The following KCNQ3 variants were observed in gnomAD, a reference collection of about 807,000 sequenced individuals.
KCNQ3 encodes potassium voltage-gated channel subfamily Q member 3, also known as potassium voltage-gated channel subfamily KQT member 3.
A neutral mutation model predicts 92.5 loss-of-function variants in KCNQ3; 30 were observed. The observed-to-expected ratio is 0.32, with a 90% CI of 0.24 to 0.44. The LOEUF is 0.44. Among genes scored for constraint, KCNQ3 ranks in the 20% least tolerant of loss-of-function variants. The pLI is 1.00. For missense variants in KCNQ3, 913 were observed against 1,140.3 expected, an observed-to-expected ratio of 0.80 and a Z score of 2.87; for synonymous variants, 450 against 468.8, an observed-to-expected ratio of 0.96 and a Z score of 0.52.
chr8:132,202,353 C>T (rs551128464), intron 1 of KCNQ3, among the ~76,000 whole-genome samples: 2 of 152,274 alleles, frequency 1.3e-5, no homozygotes, highest in South Asian at 4.1e-4. Context: ...CAAACTGTGG[C>T]TTGATCACAC....
At chr8:132,359,348 T>C (rs1313500559) in intron 1 of KCNQ3, among the ~76,000 whole-genome samples, 1 of 152,188 alleles carries the variant, frequency 6.6e-6, no homozygotes, top group Non-Finnish European at 1.5e-5. Context: ...TGTTGGTGCA[T>C]GGATTGGCAT....
At chr8:132,309,166 C>T (rs901438780) in intron 1 of KCNQ3, among the ~76,000 whole-genome samples, 2 of 152,168 alleles carry the variant, frequency 1.3e-5, no homozygotes, top group African/African-American at 2.4e-5. Flanking sequence ...GCTTCCTGCC[C>T]TTGAACATCA....
intron 1 of KCNQ3, among the ~76,000 whole-genome samples, chr8:132,232,164 A>G (rs1395324867): frequency 6.6e-6 from 1 of 152,210 alleles, no homozygotes; most frequent in African/African-American, 2.4e-5. Context: ...CTCTTGTCCA[A>G]GTTTATAGTC....
intron 1 of KCNQ3, among the ~76,000 whole-genome samples, chr8:132,272,649 G>A (rs1816186641): frequency 6.6e-6 from 1 of 152,172 alleles, no homozygotes; most frequent in Admixed American, 6.5e-5. Context: ...GAGAGCTTGT[G>A]CAGGGGAACT....
intron 1 of KCNQ3, among the ~76,000 whole-genome samples, chr8:132,313,605 A>G (rs1285901460): frequency 6.6e-6 from 1 of 152,196 alleles, no homozygotes; most frequent in African/African-American, 2.4e-5. Context: ...TAAACTGAAA[A>G]TGGAAGGTTA....
Position 132,225,577 on chromosome 8 carries a change from CCTG to C in KCNQ3, c.387-39399_387-39397del, listed in dbSNP as rs1222695309. 4.6e-5 allele frequency among the ~76,000 whole-genome samples: 7 copies of C among 152,266 alleles called. No individual in the cohort carries two copies. In the East Asian group the frequency reaches 1.4e-3, roughly 29 times the overall value. On this transcript the variant is annotated intron_variant, in intron 1 of 14. Transcript: ENST00000388996. ...AGAGGGTGACAGTGATGTGCTGCAG[CCTG>C]CTAATACCATCTTGCAAAAGCCAAT... is the stretch of plus-strand genomic sequence containing the variant.
chr8:132,302,689 T>G (rs939033041), intron 1 of KCNQ3, among the ~76,000 whole-genome samples: 27 of 152,334 alleles, frequency 1.8e-4, no homozygotes, highest in African/African-American at 6.5e-4. Context: ...TCTCTGGTCT[T>G]GAAAAGCAGT....
rs577629872 is a variant in KCNQ3 at position 132,152,476 on chromosome 8, A to G, written c.1262+10992T>C. Among the ~76,000 whole-genome samples the G allele has an allele frequency of 9.4e-4, 143 of 152,338 alleles. No individual in the cohort carries two copies. In the Middle Eastern group the frequency reaches 0.014, roughly 14 times the overall value. ...GTTGTGAGTATTCTCTACTCATGGC[A>G]ATACAATTGTTTGCATCACTGCAAT... On this transcript the variant is annotated intron_variant, in intron 9 of 14. Transcript: ENST00000388996.
intron 1 of KCNQ3, among the ~76,000 whole-genome samples, chr8:132,194,719 T>C (rs888123888): frequency 2.0e-5 from 3 of 152,232 alleles, no homozygotes; most frequent in African/African-American, 7.2e-5. Context: ...CTCTTCCTGA[T>C]TTGACTCATG....
chr8:132,316,348 A>C lies in KCNQ3; in HGVS notation c.387-130167T>G, dbSNP rs140706019. 3.8e-3 allele frequency among the ~76,000 whole-genome samples: 582 copies of C among 152,234 alleles called. 4 individuals carry two copies. Among genetic ancestry groups the C allele is most frequent in the African/African-American group, 0.012 (503 of 41,564 alleles). On this transcript the variant is annotated intron_variant, in intron 1 of 14. Transcript: ENST00000388996. ...AAATTACTCACCACCTCACAGAGTG[A>C]GGTGTTAGGAAGAATAAAGTCCCTA...
At chr8:132,207,022 C>T (rs1187076487) in intron 1 of KCNQ3, among the ~76,000 whole-genome samples, 1 of 152,188 alleles carries the variant, frequency 6.6e-6, no homozygotes, top group Non-Finnish European at 1.5e-5. Context: ...CATTCTATGA[C>T]ATCAGTGCTC....
At chr8:132,454,025 G>T (rs1385004513) in intron 1 of KCNQ3, among the ~76,000 whole-genome samples, 1 of 152,122 alleles carries the variant, frequency 6.6e-6, no homozygotes, top group Non-Finnish European at 1.5e-5. Context: ...CAGACCTCAT[G>T]CCTAACACCA....
chr8:132,480,599 T>C lies in KCNQ3; in HGVS notation c.-67A>G. 1 of 1,221,136 alleles carries C rather than the reference T, an allele frequency of 8.2e-7. No homozygotes were observed. Among genetic ancestry groups the C allele is most frequent in the African/African-American group, 1.6e-5 (1 of 62,218 alleles). The allele number at this position is 1,221,136 out of a possible 1,614,324, so 75.6% of individuals were successfully genotyped here. On this transcript the variant is annotated 5_prime_UTR_variant, in exon 1 of 15. Coordinates refer to ENST00000388996, the MANE Select transcript of KCNQ3 (RefSeq NM_004519.4). Reference sequence around the variant, plus strand: ...CTCTGGGAAGAAGGGGCGCTCGGGGTGCGTGAACGAGGCGGCGGCGGCGGC... The same window carrying C: ...CTCTGGGAAGAAGGGGCGCTCGGGGCGCGTGAACGAGGCGGCGGCGGCGGC...
intron 1 of KCNQ3, among the ~76,000 whole-genome samples, chr8:132,426,905 T>C (rs1821127898): frequency 6.6e-6 from 1 of 152,194 alleles, no homozygotes; most frequent in Non-Finnish European, 1.5e-5. Flanking sequence ...TAAGAAGGGA[T>C]AGGCTAGATC....
chr8:132,138,099 A>G, intron 11 of KCNQ3, 83 bp from the exon 12 acceptor site: 7 of 1,502,322 alleles, frequency 4.7e-6, no homozygotes, highest in Non-Finnish European at 6.4e-6. Context: ...ACTCCAGGGC[A>G]GGGGGAGAAA....
rs1228904493 is a variant in KCNQ3 at position 132,354,653 on chromosome 8, A to G, written c.386+125494T>C. Among the ~76,000 whole-genome samples the G allele has an allele frequency of 2.6e-5, 4 of 152,296 alleles. No homozygotes were observed. The East Asian group carries it at 7.7e-4, about 29-fold the overall frequency. ...ATATCCATACTTCCATGGTGAGCCAATGCTACTTCTGATGGGCAAGTTATT... is the reference window on the plus strand; with the variant it reads ...ATATCCATACTTCCATGGTGAGCCAGTGCTACTTCTGATGGGCAAGTTATT... On this transcript the variant is annotated intron_variant, in intron 1 of 14. Transcript: ENST00000388996.
chr8:132,289,488 A>G (rs1019163218), intron 1 of KCNQ3, among the ~76,000 whole-genome samples: 2 of 152,144 alleles, frequency 1.3e-5, no homozygotes, highest in Non-Finnish European at 2.9e-5. Flanking sequence ...TTGTGGTTGT[A>G]TCATTCCAAA....
chr8:132,436,439 A>G (rs528203798), intron 1 of KCNQ3, among the ~76,000 whole-genome samples: 17 of 152,356 alleles, frequency 1.1e-4, no homozygotes, highest in African/African-American at 4.1e-4. Flanking sequence ...ATGCTTGTAC[A>G]TTATGAGAAA....
intron 1 of KCNQ3, among the ~76,000 whole-genome samples, chr8:132,440,401 ATG>A (rs2130836476): frequency 6.6e-6 from 1 of 152,204 alleles, no homozygotes; most frequent in East Asian, 1.9e-4. Flanking sequence ...ATTTCCTGGC[ATG>A]TGTTTGTCTT....
Sources: allele counts gnomAD v4.1 joint callset (sites outside exome capture counted in the v4.1 genomes callset), GRCh38; gene constraint gnomAD v4.1.1; transcripts MANE v1.5; gene names NCBI Gene and HGNC (gene_info 2026-07-23, HGNC 2026-07-21).